CNTNAP2: variants seen among roughly 807,000 people sequenced by gnomAD.
CNTNAP2 encodes the protein contactin associated protein 2.
Under a neutral mutation model 155.2 loss-of-function variants are expected in CNTNAP2, and 98 were observed. The ratio of observed to expected loss-of-function variants is 0.63; its 90% CI spans 0.54 to 0.75. The LOEUF (loss-of-function observed/expected upper bound fraction) is 0.75, where lower values mean the gene tolerates loss of function less well. CNTNAP2 is among the 30% of genes least tolerant of loss of function. The pLI is 0.00. For synonymous variants in CNTNAP2, 651 were observed against 631.2 expected (o/e 1.03, Z -0.47); for missense variants, 1,727 against 1,688.1 (o/e 1.02, Z -0.40).
intron 1 of CNTNAP2, among the ~76,000 whole-genome samples, chr7:146,516,963 C>T (rs1181484685): frequency 1.3e-5 from 2 of 152,010 alleles, no homozygotes; most frequent in African/African-American, 2.4e-5. Context: ...CCCTTATCCA[C>T]GGTTTCATTC....
chr7:146,475,201 G>A (rs1246514138), intron 1 of CNTNAP2, among the ~76,000 whole-genome samples: 2 of 152,118 alleles, frequency 1.3e-5, no homozygotes, highest in African/African-American at 2.4e-5. Flanking sequence ...AATATATTGG[G>A]TATGTTTTCT....
chr7:147,225,217 T>A (rs1379966214), intron 8 of CNTNAP2, among the ~76,000 whole-genome samples: 1 of 152,216 alleles, frequency 6.6e-6, no homozygotes, highest in Non-Finnish European at 1.5e-5. Flanking sequence ...AACTGTCAAT[T>A]ACAAATTCAA....
chr7:147,689,920 A>G (rs1796064676), intron 13 of CNTNAP2, among the ~76,000 whole-genome samples: 1 of 152,172 alleles, frequency 6.6e-6, no homozygotes, highest in Non-Finnish European at 1.5e-5. Flanking sequence ...TTTCCTTTCA[A>G]CTAAAGCACC....
rs139076990 is a variant in CNTNAP2, at chr7:148,384,653, C to T, written c.3715+765C>T. ...GGGAGTGTAACCTCTAAGTGACCTC[C>T]GAATCCAACATTCAGTGGGTCTCCA... On this transcript the variant is annotated intron_variant, in intron 22 of 23. Transcript: ENST00000361727. Among the ~76,000 whole-genome samples the T allele has an allele frequency of 5.9e-5, 9 of 152,204 alleles. No individual in the cohort carries two copies. In the East Asian group the frequency reaches 1.5e-3, roughly 26 times the overall value.
At chr7:147,811,082 C>T (rs754251165) in intron 13 of CNTNAP2, among the ~76,000 whole-genome samples, 8 of 151,918 alleles carry the variant, frequency 5.3e-5, no homozygotes, top group African/African-American at 1.2e-4. Flanking sequence ...TGGACTATAC[C>T]TTTGGGGGTT....
intron 14 of CNTNAP2, among the ~76,000 whole-genome samples, chr7:147,940,503 G>A (rs974566064): frequency 6.6e-6 from 1 of 151,738 alleles, no homozygotes; most frequent in Non-Finnish European, 1.5e-5. Context: ...ACATAAAAGA[G>A]ATTCTTTCAT....
At chr7:147,484,933 A>G (rs1351844357) in intron 10 of CNTNAP2, among the ~76,000 whole-genome samples, 4 of 152,238 alleles carry the variant, frequency 2.6e-5, no homozygotes, top group Admixed American at 1.3e-4. Flanking sequence ...GTACATCACA[A>G]TGAATACCTT....
intron 20 of CNTNAP2, among the ~76,000 whole-genome samples, chr7:148,233,427 A>G (rs755475594): frequency 6.6e-6 from 1 of 152,238 alleles, no homozygotes; most frequent in Non-Finnish European, 1.5e-5. Flanking sequence ...TTATCAGGTC[A>G]CAAGGTCTTA....
chr7:147,993,559 C>A (rs1455095164), intron 15 of CNTNAP2, among the ~76,000 whole-genome samples: 4 of 152,122 alleles, frequency 2.6e-5, no homozygotes, highest in African/African-American at 7.2e-5. Flanking sequence ...TAGTTCCGGG[C>A]AGTGTCGATA....
intron 3 of CNTNAP2, among the ~76,000 whole-genome samples, chr7:146,846,610 A>G (rs78523772): frequency 0.017 from 2,567 of 152,214 alleles, 77 homozygotes; most frequent in African/African-American, 0.059. Context: ...ACACATTTGT[A>G]TGGTGAGATT....
At chr7:146,948,783 G>T (rs138473573) in intron 3 of CNTNAP2, among the ~76,000 whole-genome samples, 3 of 152,254 alleles carry the variant, frequency 2.0e-5, no homozygotes, top group African/African-American at 4.8e-5. Flanking sequence ...ACTTGTGGTG[G>T]TGTACATGAC....
At chr7:147,202,374 CAATG>C (rs1251751603) in intron 8 of CNTNAP2, among the ~76,000 whole-genome samples, 1 of 151,852 alleles carries the variant, frequency 6.6e-6, no homozygotes, top group East Asian at 1.9e-4. Context: ...GTATCATGCA[CAATG>C]AGATTATGCA....
intron 3 of CNTNAP2, among the ~76,000 whole-genome samples, chr7:146,919,051 T>G (rs930339866): frequency 6.6e-6 from 1 of 152,206 alleles, no homozygotes; most frequent in Non-Finnish European, 1.5e-5. Context: ...TTTTATTTTT[T>G]GCTACATACT....
intron 15 of CNTNAP2, among the ~76,000 whole-genome samples, chr7:147,979,017 G>C (rs1025197521): frequency 1.3e-5 from 2 of 152,132 alleles, no homozygotes; most frequent in Non-Finnish European, 2.9e-5. Context: ...TAAATCAAGG[G>C]AGAATTAGAC....
chr7:147,483,172 C>G (rs1467361288), intron 10 of CNTNAP2, among the ~76,000 whole-genome samples: 1 of 152,054 alleles, frequency 6.6e-6, no homozygotes, highest in Non-Finnish European at 1.5e-5. Context: ...AGTTGGACCT[C>G]TGTATTTGTG....
At chr7:146,327,534 C>T (rs1801117715) in intron 1 of CNTNAP2, among the ~76,000 whole-genome samples, 1 of 152,140 alleles carries the variant, frequency 6.6e-6, no homozygotes, top group African/African-American at 2.4e-5. Context: ...ATTTGAAAAG[C>T]CACATCCATG....
chr7:147,256,631 A>C (rs1804334921), intron 8 of CNTNAP2, among the ~76,000 whole-genome samples: 1 of 152,168 alleles, frequency 6.6e-6, no homozygotes, highest in African/African-American at 2.4e-5. Context: ...GGCATACTTC[A>C]TAAAATTACA....
chr7:146,816,862 A>G (rs1052330348), intron 2 of CNTNAP2, among the ~76,000 whole-genome samples: 1 of 152,208 alleles, frequency 6.6e-6, no homozygotes, highest in Non-Finnish European at 1.5e-5. Flanking sequence ...AACATGTGCA[A>G]TAGCACTTGT....
At chr7:146,593,539 A>G (rs1177371760) in intron 1 of CNTNAP2, among the ~76,000 whole-genome samples, 1 of 152,090 alleles carries the variant, frequency 6.6e-6, no homozygotes, top group Non-Finnish European at 1.5e-5. Flanking sequence ...CACCACTGCC[A>G]TCTCAGCCCT....
Sources: allele counts gnomAD v4.1 joint callset (sites outside exome capture counted in the v4.1 genomes callset), GRCh38; gene constraint gnomAD v4.1.1; transcripts MANE v1.5; gene names NCBI Gene and HGNC (gene_info 2026-07-23, HGNC 2026-07-21).